Variants in MPHOSPH9 observed in about 807,000 individuals in gnomAD.
MPHOSPH9 encodes M-phase phosphoprotein 9.
Under a neutral mutation model 145.5 loss-of-function variants are expected in MPHOSPH9, and 88 were observed. That is an observed-to-expected ratio of 0.60 (90% CI 0.51 to 0.72). The LOEUF (loss-of-function observed/expected upper bound fraction) is 0.72, where lower values mean the gene tolerates loss of function less well. Ranked by LOEUF, MPHOSPH9 falls within the 30% of genes least tolerant of loss-of-function variation. The pLI, the probability that MPHOSPH9 is intolerant of heterozygous loss-of-function variation, is 0.00. For synonymous variants in MPHOSPH9, 435 were observed against 486.2 expected (o/e 0.89, Z 1.39); for missense variants, 1,238 against 1,386.6 (o/e 0.89, Z 1.70).
intron 1 of MPHOSPH9, chr12:123,240,426 C>T (rs1287957361): frequency 6.6e-6 from 1 of 151,970 alleles, no homozygotes; most frequent in African/African-American, 2.4e-5. Context: ...CACAAGACTC[C>T]CAGGTGATTT....
chr12:123,161,272 T>C lies in MPHOSPH9; in HGVS notation c.3245A>G (p.Asn1082Ser), dbSNP rs749951931. The C allele has an allele frequency of 6.2e-7, 1 of 1,614,202 alleles. No homozygotes were observed. Among genetic ancestry groups the C allele is most frequent in the Non-Finnish European group, 8.5e-7 (1 of 1,180,026 alleles). Residue 1082 changes from asparagine (N) to serine (S), a missense_variant, in exon 22 of 24, where the codon AAT (asparagine) becomes AGT (serine). This residue lies in a region of MPHOSPH9 where 393 missense variants were observed against 462.5 expected (regional missense o/e 0.85). Coordinates refer to ENST00000606320, the MANE Select transcript of MPHOSPH9 (RefSeq NM_022782.4). ...KVSVRTAWEK[N>S]KSVSYEQCKP... ...ACACTGTTCGTAGCTAACTGATTTA[T>C]TCTTCTCCCAGGCTGTTCTCACAGA...
intron 1 of MPHOSPH9, among the ~76,000 whole-genome samples, chr12:123,243,297 G>A (rs1307290127): frequency 4.0e-5 from 6 of 151,832 alleles, no homozygotes; most frequent in African/African-American, 1.5e-4. Context: ...TTGGGAGGCC[G>A]AGGCGGGCGG....
chr12:123,215,751 A>G (rs745702707), intron 6 of MPHOSPH9, among the ~76,000 whole-genome samples: 5 of 152,176 alleles, frequency 3.3e-5, no homozygotes, highest in Non-Finnish European at 7.3e-5. Flanking sequence ...TTTTCTTATC[A>G]GGTCCCTCAT....
intron 16 of MPHOSPH9, among the ~76,000 whole-genome samples, chr12:123,167,556 G>A (rs540789718): frequency 3.6e-4 from 55 of 152,262 alleles, no homozygotes; most frequent in Non-Finnish European, 6.9e-4. Flanking sequence ...TTAGTGGACT[G>A]TGGACTGCCC....
chr12:123,195,176 GA>G (rs1565935117), intron 12 of MPHOSPH9, among the ~76,000 whole-genome samples: 1 of 152,028 alleles, frequency 6.6e-6, no homozygotes, highest in Non-Finnish European at 1.5e-5. Flanking sequence ...CTTTAATAAG[GA>G]AAAAATAACC....
intron 8 of MPHOSPH9, among the ~76,000 whole-genome samples, chr12:123,205,436 C>T (rs2046385346): frequency 6.6e-6 from 1 of 152,104 alleles, no homozygotes; most frequent in Non-Finnish European, 1.5e-5. Context: ...ATCCCAGCTA[C>T]TTGGGAGGCT....
intron 3 of MPHOSPH9, among the ~76,000 whole-genome samples, chr12:123,224,294 C>T (rs543677519): frequency 1.3e-5 from 2 of 151,948 alleles, no homozygotes; most frequent in Admixed American, 1.3e-4. Flanking sequence ...CCACCACACC[C>T]GGCTAATTTT....
intron 16 of MPHOSPH9, among the ~76,000 whole-genome samples, chr12:123,169,397 G>A (rs922268219): frequency 1.1e-4 from 17 of 151,388 alleles, no homozygotes; most frequent in African/African-American, 3.9e-4. Flanking sequence ...TACTCAGGAG[G>A]CTTAGGCAGG....
chr12:123,191,763 CA>C (rs2045685774), intron 13 of MPHOSPH9, among the ~76,000 whole-genome samples: 1 of 152,292 alleles, frequency 6.6e-6, no homozygotes, highest in Admixed American at 6.5e-5. Context: ...AAAAGCAAGT[CA>C]AAAGGACACG....
chr12:123,211,110 G>A (rs1439585799), intron 7 of MPHOSPH9, among the ~76,000 whole-genome samples: 1 of 150,178 alleles, frequency 6.7e-6, no homozygotes, highest in Non-Finnish European at 1.5e-5. Flanking sequence ...TCAGCCTCCT[G>A]AGTAGCTGAG....
chr12:123,177,000 G>A (rs764429307), intron 15 of MPHOSPH9, among the ~76,000 whole-genome samples: 1 of 151,528 alleles, frequency 6.6e-6, no homozygotes, highest in East Asian at 1.9e-4. Context: ...GAACATCCTG[G>A]TCAATATGGT....
intron 8 of MPHOSPH9, among the ~76,000 whole-genome samples, chr12:123,203,728 G>C (rs1429172609): frequency 6.6e-6 from 1 of 152,170 alleles, no homozygotes; most frequent in African/African-American, 2.4e-5. Context: ...CTGTTGCCCA[G>C]GCTGGAGTGC....
At position 123,176,550 on chromosome 12, in the gene MPHOSPH9, A is replaced by G. The variant is rs1490123402; in HGVS notation, c.2456+138T>C. 5 of 616,798 alleles carry G rather than the reference A, an allele frequency of 8.1e-6. No homozygotes were observed. The Admixed American group carries it at 8.9e-5, about 11-fold the overall frequency. The allele number at this position is 616,798 out of a possible 1,614,324, so 38.2% of individuals were successfully genotyped here. ...CTGCATAAGAGGGTTTACAATGTTC[A>G]GTAATTAATCTAACACATTTAAGTT... is the stretch of plus-strand genomic sequence containing the variant. On this transcript the variant is annotated intron_variant, in intron 16 of 23. Coordinates refer to ENST00000606320, the MANE Select transcript of MPHOSPH9 (RefSeq NM_022782.4).
At chr12:123,237,742 C>T (rs1033952096), upstream of MPHOSPH9, among the ~76,000 whole-genome samples, 2 of 152,198 alleles carry the variant, frequency 1.3e-5, no homozygotes, top group African/African-American at 2.4e-5. Flanking sequence ...TGGTCTGTTT[C>T]AAGCCTTACC....
intron 3 of MPHOSPH9, among the ~76,000 whole-genome samples, chr12:123,223,370 T>C (rs1015249772): frequency 3.3e-5 from 5 of 152,034 alleles, no homozygotes; most frequent in African/African-American, 1.2e-4. Flanking sequence ...TGCAGCAATA[T>C]ACAACATCAG....
chr12:123,152,842 A>G (rs550255199), downstream of MPHOSPH9: 66 of 225,128 alleles, frequency 2.9e-4, no homozygotes, highest in African/African-American at 1.3e-3. Context: ...ACCTGTCTGA[A>G]TGGTAAAAGG....
chr12:123,227,584 G>A lies in MPHOSPH9; in HGVS notation c.137C>T (p.Ser46Phe), dbSNP rs1037475566. Residue 46 changes from serine to phenylalanine, a missense_variant, in exon 3 of 24, where the codon TCC (serine) becomes TTC (phenylalanine). Ser to Phe is a radical substitution (Grantham distance 155, BLOSUM62 -2). Around this residue, in one of 3 missense-constraint regions of MPHOSPH9, gnomAD observed 837 missense variants for 897.5 expected, o/e 0.93. Coordinates refer to ENST00000606320, the MANE Select transcript of MPHOSPH9 (RefSeq NM_022782.4). ...SSPHLSTNGV[S>F]SFSGKTRPSV... ...TGGTCTGGTCTTCCCTGAGAAAGAG[G>A]ATACCCCATTTGTACTAAGGTGGGG... The A allele has an allele frequency of 4.0e-5, 62 of 1,531,528 alleles. No individual in the cohort carries two copies. Among genetic ancestry groups the A allele is most frequent in the Non-Finnish European group, 5.2e-5 (60 of 1,144,674 alleles). 94.9% of individuals were successfully genotyped at this position (1,531,528 alleles called of 1,614,324 possible). A position where few individuals can be genotyped will look rare whatever the true frequency, so the allele number is the denominator to read the frequency against.
chr12:123,207,895 A>G (rs2046510231), intron 8 of MPHOSPH9, among the ~76,000 whole-genome samples: 1 of 150,772 alleles, frequency 6.6e-6, no homozygotes, highest in Non-Finnish European at 1.5e-5. Context: ...GAGGTGAAAT[A>G]GGTACATTGA....
intron 16 of MPHOSPH9, among the ~76,000 whole-genome samples, chr12:123,169,281 G>C (rs1203461732): frequency 1.3e-5 from 2 of 150,756 alleles, no homozygotes; most frequent in African/African-American, 4.9e-5. Flanking sequence ...AGATAACGAG[G>C]TCAGGAGCTC....
Sources: gnomAD v4.1 joint callset for allele counts (sites outside exome capture counted in the v4.1 genomes callset) on GRCh38, gnomAD v4.1.1 for gene constraint, gnomAD v4.1.1 regional missense constraint, MANE v1.5 for transcripts, NCBI Gene and HGNC (gene_info 2026-07-23, HGNC 2026-07-21) for gene names.